The following KHDRBS2 variants were observed in gnomAD, a reference collection of about 807,000 sequenced individuals.
The protein encoded by KHDRBS2 is KH domain-containing, RNA-binding, signal transduction-associated protein 2.
KHDRBS2 carries 26 observed loss-of-function variants against 44.3 expected under a neutral mutation model. The observed-to-expected ratio is 0.59, with a 90% CI of 0.43 to 0.81. The LOEUF (loss-of-function observed/expected upper bound fraction) is 0.81, where lower values mean the gene tolerates loss of function less well. Ranked by LOEUF, KHDRBS2 falls within the 40% of genes least tolerant of loss-of-function variation. The probability of loss-of-function intolerance (pLI) is 0.00; values close to 1 mark genes in which losing one functional copy is unlikely to be tolerated. For synonymous variants in KHDRBS2, 194 were observed against 151.1 expected, an observed-to-expected ratio of 1.28 and a Z score of -2.08; for missense variants, 476 against 433.1, an observed-to-expected ratio of 1.10 and a Z score of -0.88.
the KHDRBS2 span, among the ~76,000 whole-genome samples, chr6:61,552,540 C>T: frequency 6.6e-6 from 1 of 152,030 alleles, no homozygotes; most frequent in Non-Finnish European, 1.5e-5. Flanking sequence ...ACTATGTTGA[C>T]TAGGAGTGGT....
chr6:62,260,053 C>T (rs1051003357), intron 1 of KHDRBS2, among the ~76,000 whole-genome samples: 1 of 151,942 alleles, frequency 6.6e-6, no homozygotes, highest in Admixed American at 6.6e-5. Flanking sequence ...AGAACCTAGG[C>T]TTTGCTGCCA....
rs527547934 is a variant in KHDRBS2, at chr6:62,232,438, A to T, written c.91+53420T>A. 2.6e-5 allele frequency among the ~76,000 whole-genome samples: 4 copies of T among 152,272 alleles called. No individual in the cohort carries two copies. In the East Asian group the frequency reaches 7.7e-4, roughly 29 times the overall value. ...GAATGGAGATTATATTTTTGACCAG[A>T]TCATTGCTCAATTATGGAATAATTC... On this transcript the variant is annotated intron_variant, in intron 1 of 8. Transcript: ENST00000281156.
At chr6:62,220,322 T>C (rs571901308) in intron 1 of KHDRBS2, among the ~76,000 whole-genome samples, 41 of 151,922 alleles carry the variant, frequency 2.7e-4, no homozygotes, top group Non-Finnish European at 4.9e-4. Flanking sequence ...AGTGCATAGA[T>C]GAAAGGACAA....
At chr6:62,172,714 A>C (rs1179447107) in intron 2 of KHDRBS2, among the ~76,000 whole-genome samples, 1 of 151,248 alleles carries the variant, frequency 6.6e-6, no homozygotes, top group Non-Finnish European at 1.5e-5. Context: ...AAAAAAAAAA[A>C]AAAAACCTGG....
At chr6:62,107,492 C>T (rs1303548171) in intron 2 of KHDRBS2, among the ~76,000 whole-genome samples, 3 of 152,164 alleles carry the variant, frequency 2.0e-5, no homozygotes, top group Non-Finnish European at 2.9e-5. Context: ...TAGGAAGAAT[C>T]AATATCGTGA....
intron 6 of KHDRBS2, among the ~76,000 whole-genome samples, chr6:61,772,401 A>C (rs1246811479): frequency 6.6e-6 from 1 of 152,174 alleles, no homozygotes; most frequent in Non-Finnish European, 1.5e-5. Flanking sequence ...TGAAAAGATC[A>C]ACAAAATTGA....
intron 3 of KHDRBS2, among the ~76,000 whole-genome samples, chr6:62,003,736 C>T (rs1778697975): frequency 6.6e-6 from 1 of 152,188 alleles, no homozygotes; most frequent in South Asian, 2.1e-4. Flanking sequence ...CCACATCACA[C>T]TTATTCCAAA....
At chr6:61,885,158 A>G (rs1230006292) in intron 6 of KHDRBS2, among the ~76,000 whole-genome samples, 2 of 152,048 alleles carry the variant, frequency 1.3e-5, no homozygotes, top group African/African-American at 4.8e-5. Context: ...CTACGTTTTG[A>G]TCATCTTCTA....
At chr6:61,702,544 C>T (rs1272495388) in intron 7 of KHDRBS2, among the ~76,000 whole-genome samples, 3 of 151,926 alleles carry the variant, frequency 2.0e-5, no homozygotes, top group African/African-American at 7.2e-5. Flanking sequence ...CATTCAGTAA[C>T]ATTTGTCGAA....
intron 4 of KHDRBS2, among the ~76,000 whole-genome samples, chr6:61,919,220 T>C (rs766653209): frequency 5.3e-5 from 8 of 151,900 alleles, no homozygotes; most frequent in Non-Finnish European, 8.8e-5. Context: ...ATATGTCAAA[T>C]ACACAGCAGA....
At chr6:61,692,688 C>T (rs1353047001) in intron 8 of KHDRBS2, among the ~76,000 whole-genome samples, 1 of 152,072 alleles carries the variant, frequency 6.6e-6, no homozygotes, top group African/African-American at 2.4e-5. Context: ...ATTTTTATTT[C>T]TGCTGGCTTA....
intron 6 of KHDRBS2, among the ~76,000 whole-genome samples, chr6:61,761,434 C>T (rs999658866): frequency 1.3e-5 from 2 of 152,128 alleles, no homozygotes; most frequent in African/African-American, 4.8e-5. Context: ...GTGATATCAG[C>T]TTATAAAATT....
At chr6:62,208,598 G>T (rs758324950) in intron 1 of KHDRBS2, among the ~76,000 whole-genome samples, 50 of 152,090 alleles carry the variant, frequency 3.3e-4, no homozygotes, top group Non-Finnish European at 1.3e-4. Context: ...TATATATTCA[G>T]AAGGGGGCTT....
intron 6 of KHDRBS2, among the ~76,000 whole-genome samples, chr6:61,868,516 G>A (rs1583248722): frequency 6.6e-6 from 1 of 152,316 alleles, no homozygotes; most frequent in South Asian, 2.1e-4. Context: ...AAGGGTGGCT[G>A]GAGGCCCCAG....
chr6:62,269,979 T>TATAC (rs1409337520), intron 1 of KHDRBS2, among the ~76,000 whole-genome samples: 4 of 151,874 alleles, frequency 2.6e-5, no homozygotes, highest in Non-Finnish European at 5.9e-5. Flanking sequence ...AAAGGAAGAG[T>TATAC]ATACACTACA....
At chr6:61,944,795 T>TA (rs1284985398) in intron 4 of KHDRBS2, among the ~76,000 whole-genome samples, 1 of 151,466 alleles carries the variant, frequency 6.6e-6, no homozygotes, top group Non-Finnish European at 1.5e-5. Flanking sequence ...TACGTATCAG[T>TA]AAAAAACATA....
intron 6 of KHDRBS2, among the ~76,000 whole-genome samples, chr6:61,739,194 G>A (rs151040872): frequency 1.3e-5 from 2 of 151,758 alleles, no homozygotes; most frequent in East Asian, 1.9e-4. Flanking sequence ...TAATTGCATT[G>A]CCACAATAGA....
chr6:61,729,937 A>C (rs1774175679), intron 7 of KHDRBS2, among the ~76,000 whole-genome samples: 1 of 152,134 alleles, frequency 6.6e-6, no homozygotes, highest in Admixed American at 6.6e-5. Context: ...TAGAGAACAA[A>C]ATTTAATTTT....
chr6:61,786,503 TCAAA>T (rs1783832039), intron 6 of KHDRBS2, among the ~76,000 whole-genome samples: 2 of 151,904 alleles, frequency 1.3e-5, no homozygotes, highest in Non-Finnish European at 2.9e-5. Flanking sequence ...AAAGCAAAGA[TCAAA>T]CAATCTGCTA....
Sources: gnomAD v4.1 joint callset for allele counts (sites outside exome capture counted in the v4.1 genomes callset) on GRCh38, gnomAD v4.1.1 for gene constraint, MANE v1.5 for transcripts, NCBI Gene and HGNC (gene_info 2026-07-23, HGNC 2026-07-21) for gene names.